The following IQCH variants were observed in gnomAD, a reference collection of about 807,000 sequenced individuals.
The protein encoded by IQCH is IQ motif containing H, also known as IQ domain-containing protein H.
A neutral mutation model predicts 117.0 loss-of-function variants in IQCH; 98 were observed. That is an observed-to-expected ratio of 0.84 (90% CI 0.71 to 0.99). IQCH has a LOEUF of 0.99. Ranked by LOEUF, IQCH falls within the 50% of genes least tolerant of loss-of-function variation. IQCH has a pLI of 0.00. For missense variants in IQCH, 1,102 were observed against 1,243.8 expected, an observed-to-expected ratio of 0.89 and a Z score of 1.72; for synonymous variants, 412 against 448.2, an observed-to-expected ratio of 0.92 and a Z score of 1.02.
intron 4 of IQCH, among the ~76,000 whole-genome samples, chr15:67,311,542 T>C (rs1967595555): frequency 1.3e-5 from 2 of 148,536 alleles, no homozygotes; most frequent in South Asian, 2.1e-4. Flanking sequence ...ACCAGAAATA[T>C]ATAATATAAA....
At chr15:67,313,247 G>A (rs893095738) in intron 4 of IQCH, among the ~76,000 whole-genome samples, 2 of 152,170 alleles carry the variant, frequency 1.3e-5, no homozygotes, top group African/African-American at 4.8e-5. Context: ...AGTAGAAAGA[G>A]CCGTAGATGG....
Position 67,466,953 on chromosome 15 carries a change from G to C in IQCH, c.2676+1656G>C, listed in dbSNP as rs143739001. ...TGCAAGAAGCTGGGGGTCAGGTGTG[G>C]TGGCTCACGCCTGTAATCCCAGCAC... On this transcript the variant is annotated intron_variant, in intron 17 of 20. Transcript: ENST00000335894. This position sits in a 1 kb window ranked among gnomAD's most constrained non-coding sequence, Gnocchi z 4.4. 6.5e-6 allele frequency: 1 copy of C among 152,988 alleles called. No individual in the cohort carries two copies. Among genetic ancestry groups the C allele is most frequent in the Non-Finnish European group, 1.5e-5 (1 of 68,722 alleles). 9.5% of individuals were successfully genotyped at this position (152,988 alleles called of 1,614,324 possible).
At position 67,494,203 on chromosome 15, in the gene IQCH, T is replaced by C; in HGVS notation, c.2862-55T>C. 1 of 1,296,096 alleles carries C rather than the reference T, an allele frequency of 7.7e-7. No individual in the cohort carries two copies. Among genetic ancestry groups the C allele is most frequent in the Non-Finnish European group, 1.1e-6 (1 of 934,398 alleles). 80.3% of individuals were successfully genotyped at this position (1,296,096 alleles called of 1,614,324 possible). ...GGCACAAATGAGAGGGCGATTGTTT[T>C]TAAGCATGTGAAGGGAATCGTTGGT... On this transcript the variant is annotated intron_variant, in intron 19 of 20. Coordinates refer to ENST00000335894, the MANE Select transcript of IQCH (RefSeq NM_001031715.3). This position sits in a 1 kb window ranked among gnomAD's most constrained non-coding sequence, Gnocchi z 5.5.
At position 67,254,927 on chromosome 15, in the gene IQCH, G is replaced by T; in HGVS notation, c.31G>T (p.Val11Phe). 1.2e-6 allele frequency: 2 copies of T among 1,613,812 alleles called. No individual in the cohort carries two copies. The highest frequency in any genetic ancestry group is 1.6e-4 in the Middle Eastern group (1 of 6,062). The stretch of plus-strand genomic sequence containing the variant: ...ACAGAACACTGAAAACCACGACCCT[G>T]TCGGATCCATCTTAATCCAGGTGGG... MAQNTENHDP[V>F]GSILIQIHED... The change falls in exon 1 of 21, where the codon GTC (valine) becomes TTC (phenylalanine). Residue 11 changes from valine (V) to phenylalanine (F), a missense_variant. Val to Phe is a conservative substitution (Grantham distance 50, BLOSUM62 -1). Transcript: ENST00000335894.
At chr15:67,263,355 T>G in intron 3 of IQCH, 139 bp downstream of exon 3, 1 of 599,314 alleles carries the variant, frequency 1.7e-6, no homozygotes. Flanking sequence ...TAGTAGAGAT[T>G]TTGCATAAGA....
chr15:67,357,250 G>A (rs1007390474), intron 6 of IQCH, 95 bp from the exon 7 acceptor site: 1 of 797,970 alleles, frequency 1.3e-6, no homozygotes, highest in Non-Finnish European at 2.3e-6. Flanking sequence ...GGGTGACAGA[G>A]CCATTTGACT....
At chr15:67,330,368 T>G (rs942581273) in intron 4 of IQCH, among the ~76,000 whole-genome samples, 26 of 152,126 alleles carry the variant, frequency 1.7e-4, no homozygotes, top group African/African-American at 6.0e-4. Context: ...CTCAGAGAAG[T>G]TAAATAACAT....
intron 4 of IQCH, among the ~76,000 whole-genome samples, chr15:67,294,844 A>C (rs1289844036): frequency 6.6e-6 from 1 of 152,186 alleles, no homozygotes; most frequent in Non-Finnish European, 1.5e-5. Context: ...CTTTCTTGCA[A>C]ACATCCTTAT....
chr15:67,462,965 GATTT>G (rs1374880330), intron 16 of IQCH, among the ~76,000 whole-genome samples: 1 of 152,168 alleles, frequency 6.6e-6, no homozygotes, highest in Non-Finnish European at 1.5e-5. Flanking sequence ...GTTGCAATGT[GATTT>G]ATTTGCTATT....
intron 4 of IQCH, among the ~76,000 whole-genome samples, chr15:67,305,264 A>G (rs1219630346): frequency 1.3e-5 from 2 of 152,068 alleles, no homozygotes; most frequent in East Asian, 1.9e-4. Context: ...TTGCAAAGCC[A>G]TTTCTAACTA....
At chr15:67,471,614 T>C (rs2083073280) in intron 17 of IQCH, among the ~76,000 whole-genome samples, 1 of 152,250 alleles carries the variant, frequency 6.6e-6, no homozygotes, top group African/African-American at 2.4e-5. Flanking sequence ...TATTGGTTAG[T>C]TGGTCAGTTT....
In IQCH at chr15:67,404,970, T is replaced by C. The variant is rs570512713; in HGVS notation, c.2097+4665T>C. The C allele has an allele frequency of 5.9e-5, 9 of 152,342 alleles. No individual in the cohort carries two copies. Among genetic ancestry groups the C allele is most frequent in the Admixed American group, 5.9e-4 (9 of 15,302 alleles). 9.4% of individuals were successfully genotyped at this position (152,342 alleles called of 1,614,324 possible). ...AGATAGTACCAATTTCCAAAGCAACTGGCAGAGAATAAGAATACTAGTTTT... is the reference window on the plus strand; with the variant it reads ...AGATAGTACCAATTTCCAAAGCAACCGGCAGAGAATAAGAATACTAGTTTT... On this transcript the variant is annotated intron_variant, in intron 14 of 20. Transcript: ENST00000335894. This position sits in a 1 kb window ranked among gnomAD's most constrained non-coding sequence, Gnocchi z 4.6.
rs1057346915 is a variant in IQCH, at chr15:67,425,566, C to T, written c.2505+3989C>T. Among the ~76,000 whole-genome samples the T allele has an allele frequency of 3.3e-5, 5 of 152,130 alleles. No individual in the cohort carries two copies. The highest frequency in any genetic ancestry group is 5.9e-5 in the Non-Finnish European group (4 of 68,036). On this transcript the variant is annotated intron_variant, in intron 16 of 20. Transcript: ENST00000335894. This position sits in a 1 kb window ranked among gnomAD's most constrained non-coding sequence, Gnocchi z 5.5. ...GGTGGAGGTTGCAGTGAGCCAAGAT[C>T]GCGCCACTGCACTCCAGCCTGGGCG... is the stretch of plus-strand genomic sequence containing the variant.
At chr15:67,320,168 G>A (rs191975041) in intron 4 of IQCH, among the ~76,000 whole-genome samples, 1 of 152,212 alleles carries the variant, frequency 6.6e-6, no homozygotes, top group South Asian at 2.1e-4. Context: ...AATAAAAAGA[G>A]CCCCAGCAGT....
In IQCH at chr15:67,416,892, G is replaced by A. The variant is rs1365731814; in HGVS notation, c.2098-39G>A. ...TCCACAAGCAGTTTTCATTTCTGTA[G>A]TAAAATTGCTTGTGGTTCTATTTAA... On this transcript the variant is annotated intron_variant, in intron 14 of 20. Coordinates refer to ENST00000335894, the MANE Select transcript of IQCH (RefSeq NM_001031715.3). This position sits in a 1 kb window ranked among gnomAD's most constrained non-coding sequence, Gnocchi z 5.1. The A allele has an allele frequency of 2.6e-6, 4 of 1,522,344 alleles. No homozygotes were observed. The highest frequency in any genetic ancestry group is 3.5e-6 in the Non-Finnish European group (4 of 1,135,030). The allele number at this position is 1,522,344 out of a possible 1,614,324, so 94.3% of individuals were successfully genotyped here. A position where few individuals can be genotyped will look rare whatever the true frequency, so the allele number is the denominator to read the frequency against.
chr15:67,258,696 T>C (rs1965336066), intron 1 of IQCH, among the ~76,000 whole-genome samples: 1 of 152,206 alleles, frequency 6.6e-6, no homozygotes, highest in Admixed American at 6.5e-5. Flanking sequence ...CTGCATTAAA[T>C]CTTTCAAGGG....
Position 67,426,143 on chromosome 15 carries a change from C to G in IQCH, c.2505+4566C>G, listed in dbSNP as rs1297419435. Among the ~76,000 whole-genome samples the G allele has an allele frequency of 6.6e-6, 1 of 152,174 alleles. No individual in the cohort carries two copies. The highest frequency in any genetic ancestry group is 1.5e-5 in the Non-Finnish European group (1 of 68,038). ...TCAGAAGCCCTGTAAGATCTGGGCT[C>G]TTAGTGCTGCCATTGCTACTGGAGT... On this transcript the variant is annotated intron_variant, in intron 16 of 20. Coordinates refer to ENST00000335894, the MANE Select transcript of IQCH (RefSeq NM_001031715.3). This position sits in a 1 kb window ranked among gnomAD's most constrained non-coding sequence, Gnocchi z 5.1.
In IQCH at chr15:67,465,236, T is replaced by A. The variant is rs527648337; in HGVS notation, c.2615T>A (p.Val872Glu). 2 of 1,613,894 alleles carry A rather than the reference T, an allele frequency of 1.2e-6. No homozygotes were observed. The highest frequency in any genetic ancestry group is 2.7e-5 in the African/African-American group (2 of 74,868). The change falls in exon 17 of 21, where the codon GTG becomes GAG. Residue 872 changes from valine (V) to glutamate (E), a missense_variant. Coordinates refer to ENST00000335894, the MANE Select transcript of IQCH (RefSeq NM_001031715.3). This position sits in a 1 kb window ranked among gnomAD's most constrained non-coding sequence, Gnocchi z 5.9. ...GATTGCAGTTTGAGCACCCTGGAAG[T>A]GCCCCGCTTTGTTCCAAAGGAAAGG... is the stretch of plus-strand genomic sequence containing the variant. ...HLDCSLSTLE[V>E]PRFVPKERKK...
chr15:67,273,381 G>A (rs1965986610), intron 3 of IQCH, among the ~76,000 whole-genome samples: 3 of 152,082 alleles, frequency 2.0e-5, no homozygotes, highest in African/African-American at 7.2e-5. Flanking sequence ...GAGCCACCAT[G>A]CCCAGCCCAT....
Sources: allele counts gnomAD v4.1 joint callset (sites outside exome capture counted in the v4.1 genomes callset), GRCh38; gene constraint gnomAD v4.1.1; non-coding constraint Gnocchi (gnomAD v3.1); transcripts MANE v1.5; gene names NCBI Gene and HGNC (gene_info 2026-07-23, HGNC 2026-07-21).